SLC14A2: variants seen among roughly 807,000 people sequenced by gnomAD.
SLC14A2 encodes solute carrier family 14 member 2.
SLC14A2 carries 91 observed loss-of-function variants against 104.6 expected under a neutral mutation model. The observed-to-expected ratio is 0.87, with a 90% confidence interval of 0.73 to 1.04. The LOEUF is 1.04. Among genes scored for constraint, SLC14A2 ranks in the 50% least tolerant of loss-of-function variants. The pLI, the probability that SLC14A2 is intolerant of heterozygous loss-of-function variation, is 0.00. For synonymous variants in SLC14A2, 476 were observed against 466.4 expected (o/e 1.02, Z -0.27); for missense variants, 1,189 against 1,156.0 (o/e 1.03, Z -0.41).
Position 45,651,204 on chromosome 18 carries a change from C to A in SLC14A2, c.1351+7044C>A, listed in dbSNP as rs138463037. ...GTATCTTAGGCCAAAGGAGCCATTT[C>A]TGAGAACAGTTCTGATGAAAGGGGA... is the stretch of plus-strand genomic sequence containing the variant. On this transcript the variant is annotated intron_variant, in intron 10 of 19. Coordinates refer to ENST00000255226, the MANE Select transcript of SLC14A2 (RefSeq NM_007163.4). Among the ~76,000 whole-genome samples, 33 of 152,232 alleles carry A rather than the reference C, an allele frequency of 2.2e-4. No homozygotes were observed. The East Asian group carries it at 4.6e-3, about 21-fold the overall frequency.
intron 1 of SLC14A2, among the ~76,000 whole-genome samples, chr18:45,450,812 A>G (rs1386991636): frequency 6.6e-6 from 1 of 152,216 alleles, no homozygotes; most frequent in East Asian, 1.9e-4. Context: ...CAAACCATTC[A>G]GTCAAGAATT....
At chr18:45,600,454 T>C (rs2044772213) in intron 2 of SLC14A2, among the ~76,000 whole-genome samples, 1 of 152,126 alleles carries the variant, frequency 6.6e-6, no homozygotes, top group African/African-American at 2.4e-5. Flanking sequence ...TCCCTTCTTC[T>C]CACAGGCCCT....
chr18:45,443,385 G>T (rs569649938), intron 1 of SLC14A2, among the ~76,000 whole-genome samples: 21 of 152,336 alleles, frequency 1.4e-4, no homozygotes, highest in African/African-American at 5.1e-4. Context: ...ATCATCTGAT[G>T]CTAATGGACT....
At chr18:45,324,092 A>C (rs901605556) in intron 1 of SLC14A2, among the ~76,000 whole-genome samples, 10 of 152,182 alleles carry the variant, frequency 6.6e-5, no homozygotes, top group Admixed American at 1.3e-4. Context: ...ATTAAATTGG[A>C]GTAAGCTTCT....
chr18:45,475,662 T>TTTAGG (rs1254734827), intron 1 of SLC14A2, among the ~76,000 whole-genome samples: 2 of 115,116 alleles, frequency 1.7e-5, no homozygotes, highest in East Asian at 5.1e-4. Flanking sequence ...TATATATATA[T>TTTAGG]ATATATATAT....
At position 45,459,238 on chromosome 18, in the gene SLC14A2, T is replaced by G. The variant is rs531258268; in HGVS notation, c.-124-23995T>G. ...CGCTAAGCAAATGAGAGTCTTAGGG[T>G]GGAGACAGAGAGGGCCTACTTGTCA... On this transcript the variant is annotated intron_variant, in intron 1 of 20. Coordinates refer to the SLC14A2 transcript ENST00000586448. Among the ~76,000 whole-genome samples, 15 of 152,212 alleles carry G rather than the reference T, an allele frequency of 9.9e-5. No individual in the cohort carries two copies. In the South Asian group the frequency reaches 3.1e-3, roughly 32 times the overall value.
chr18:45,405,167 G>C (rs969663348), intron 1 of SLC14A2, among the ~76,000 whole-genome samples: 1 of 152,152 alleles, frequency 6.6e-6, no homozygotes, highest in African/African-American at 2.4e-5. Context: ...ACACTCCCCA[G>C]GGCAGGAGAG....
intron 2 of SLC14A2, among the ~76,000 whole-genome samples, chr18:45,517,730 T>G (rs188337329): frequency 1.3e-5 from 2 of 152,318 alleles, no homozygotes; most frequent in Admixed American, 6.5e-5. Context: ...TCCAGGACTT[T>G]CTGTCCTTTT....
the SLC14A2 span, among the ~76,000 whole-genome samples, chr18:45,181,691 T>C: frequency 0.034 from 5,164 of 152,262 alleles, 299 homozygotes; most frequent in African/African-American, 0.12. Flanking sequence ...AAAGGGTCCA[T>C]TGTAATTGAT....
chr18:45,263,979 C>G (rs1388612367), intron 1 of SLC14A2, among the ~76,000 whole-genome samples: 1 of 152,116 alleles, frequency 6.6e-6, no homozygotes, highest in African/African-American at 2.4e-5. Context: ...GACATTACTC[C>G]TAAGTCCCCT....
intron 1 of SLC14A2, among the ~76,000 whole-genome samples, chr18:45,383,807 C>T (rs1328839455): frequency 3.3e-5 from 5 of 152,136 alleles, no homozygotes; most frequent in Admixed American, 3.3e-4. Flanking sequence ...TGCATGGCTG[C>T]CCTGGGCTCT....
the SLC14A2 span, among the ~76,000 whole-genome samples, chr18:45,188,175 G>A: frequency 1.3e-5 from 2 of 152,118 alleles, no homozygotes; most frequent in Non-Finnish European, 2.9e-5. Context: ...AGGATGAAGA[G>A]TTAGTGTTGG....
In SLC14A2 at chr18:45,363,952, G is replaced by T. The variant is rs572658431; in HGVS notation, c.-124-119281G>T. Among the ~76,000 whole-genome samples, 8 of 152,216 alleles carry T rather than the reference G, an allele frequency of 5.3e-5. No homozygotes were observed. The East Asian group carries it at 1.5e-3, about 29-fold the overall frequency. On this transcript the variant is annotated intron_variant, in intron 1 of 20. Transcript: ENST00000586448. ...CTGGGCCTCCTGCCTCCCCAGAATG[G>T]CCTCCTTCAGCATTACAATGCAGTC...
chr18:45,262,777 A>T (rs1057119818), intron 1 of SLC14A2, among the ~76,000 whole-genome samples: 45 of 152,220 alleles, frequency 3.0e-4, no homozygotes, highest in African/African-American at 9.9e-4. Context: ...ACACTGCTAC[A>T]GACTGAACAT....
chr18:45,254,224 C>T (rs1263472856), intron 1 of SLC14A2, among the ~76,000 whole-genome samples: 1 of 152,204 alleles, frequency 6.6e-6, no homozygotes, highest in Non-Finnish European at 1.5e-5. Flanking sequence ...AGCTCCAGCT[C>T]TACTAACTGG....
chr18:45,666,278 G>A, intron 12 of SLC14A2, 59 bp downstream of exon 12: 1 of 1,156,534 alleles, frequency 8.6e-7, no homozygotes, highest in Non-Finnish European at 1.3e-6. Flanking sequence ...GCCCACAGCA[G>A]ATGAGGGAGC....
chr18:45,641,935 A>T (rs1451239895), intron 8 of SLC14A2, among the ~76,000 whole-genome samples: 2 of 152,218 alleles, frequency 1.3e-5, no homozygotes, highest in African/African-American at 4.8e-5. Context: ...GTATCCCAGC[A>T]CCATACCCTG....
chr18:45,362,060 T>A (rs2085617488), intron 1 of SLC14A2, among the ~76,000 whole-genome samples: 1 of 152,184 alleles, frequency 6.6e-6, no homozygotes, highest in Non-Finnish European at 1.5e-5. Flanking sequence ...TGGGGGCAAT[T>A]GCCCCTATGC....
intron 1 of SLC14A2, among the ~76,000 whole-genome samples, chr18:45,320,401 C>T (rs190724817): frequency 6.6e-6 from 1 of 152,180 alleles, no homozygotes; most frequent in African/African-American, 2.4e-5. Flanking sequence ...AACCCAAACT[C>T]GTCTACATGG....
Sources: allele counts gnomAD v4.1 joint callset (sites outside exome capture counted in the v4.1 genomes callset), GRCh38; gene constraint gnomAD v4.1.1; transcripts MANE v1.5; gene names NCBI Gene and HGNC (gene_info 2026-07-23, HGNC 2026-07-21).